MOCS1: variants seen among roughly 807,000 people sequenced by gnomAD.
MOCS1 encodes molybdenum cofactor biosynthesis protein 1.
In MOCS1, 39 loss-of-function variants were observed where a neutral mutation model predicts 57.6. The ratio of observed to expected loss-of-function variants is 0.68; its 90% CI spans 0.52 to 0.88. MOCS1 has a LOEUF of 0.88. MOCS1 is among the 40% of genes least tolerant of loss of function. MOCS1 has a pLI of 0.00. For synonymous variants in MOCS1, 334 were observed against 335.7 expected (o/e 1.00, Z 0.05); for missense variants, 795 against 831.1 (o/e 0.96, Z 0.53).
intron 2 of MOCS1, among the ~76,000 whole-genome samples, chr6:39,926,924 CCA>C (rs1047847195): frequency 2.0e-4 from 30 of 150,970 alleles, no homozygotes; most frequent in Admixed American, 1.8e-3. Context: ...TGGGGCACCT[CCA>C]GAGTCAGCAG....
Position 39,912,745 on chromosome 6 carries a change from T to C in MOCS1, c.870+147A>G, listed in dbSNP as rs927759526. 4 of 759,640 alleles carry C rather than the reference T, an allele frequency of 5.3e-6. No individual in the cohort carries two copies. The East Asian group carries it at 7.4e-5, about 14-fold the overall frequency. The allele number at this position is 759,640 out of a possible 1,614,324, so 47.1% of individuals were successfully genotyped here. ...CTTCATCCATGAAACAGGGAGGTGG[T>C]TGTGATAGCACTGATGCTTCCTGCT... On this transcript the variant is annotated intron_variant, in intron 7 of 10. Transcript: ENST00000340692.
At position 39,907,044 on chromosome 6, in the gene MOCS1, C is replaced by T; in HGVS notation, c.1224G>A (p.Gln408=). ...AGAAACTCATTCTGGGTCTTAGACC[C>T]TGAACATGGAGCGGGTCCCAGGAGA... is the stretch of plus-strand genomic sequence containing the variant. ...SIFSWDPLHV[Q]GLRPRMSFSS... Residue 408 remains glutamine (Q), a synonymous_variant, in exon 11 of 11, where the codon CAG becomes CAA. Coordinates refer to ENST00000340692, the MANE Select transcript of MOCS1 (RefSeq NM_001358530.2). The T allele has an allele frequency of 6.2e-7, 1 of 1,613,526 alleles. No individual in the cohort carries two copies. The highest frequency in any genetic ancestry group is 8.5e-7 in the Non-Finnish European group (1 of 1,179,596).
At chr6:39,908,004 G>C (rs940252216) in intron 10 of MOCS1, among the ~76,000 whole-genome samples, 10 of 152,378 alleles carry the variant, frequency 6.6e-5, no homozygotes, top group African/African-American at 2.4e-4. Flanking sequence ...TGTCAGAGGG[G>C]CAGCCTCCCT....
Position 39,909,898 on chromosome 6 carries a change from A to C in MOCS1, c.1039T>G (p.Ser347Ala). Residue 347 changes from serine (S) to alanine (A), a missense_variant, in exon 9 of 11, where the codon TCT becomes GCT. Transcript: ENST00000340692. ...ATGATTCTCAGCAGCTCCTGCTCAG[A>C]GGCCCCAGCTCGCAGGTGATCCCGC... The part of the protein sequence containing the change: ...SLRDHLRAGA[S>A]EQELLRIIGA... 4 of 1,613,922 alleles carry C rather than the reference A, an allele frequency of 2.5e-6. No homozygotes were observed. In the South Asian group the frequency reaches 4.4e-5, roughly 18 times the overall value.
intron 8 of MOCS1, 134 bp downstream of exon 8, chr6:39,912,130 C>G (rs1767367983): frequency 4.0e-6 from 3 of 746,066 alleles, no homozygotes; most frequent in Non-Finnish European, 7.3e-6. Flanking sequence ...GCCCCCAAAC[C>G]TGACATTATT....
intron 8 of MOCS1, among the ~76,000 whole-genome samples, chr6:39,910,428 CTATT>C (rs1365994846): frequency 6.6e-6 from 1 of 152,186 alleles, no homozygotes; most frequent in Non-Finnish European, 1.5e-5. Context: ...TGCCCTGTAC[CTATT>C]TGAGTCTGTG....
rs987535136 is a variant in MOCS1 at position 39,928,147 on chromosome 6, A to G, written c.124-692T>C. On this transcript the variant is annotated intron_variant, in intron 1 of 10. Coordinates refer to ENST00000340692, the MANE Select transcript of MOCS1 (RefSeq NM_001358530.2). ...CTCGGCAGAAGCAGGATTCAAATCC[A>G]GGTCTTCTGATTCCAGGTTCTTTTT... Among the ~76,000 whole-genome samples, 7 of 151,070 alleles carry G rather than the reference A, an allele frequency of 4.6e-5. No homozygotes were observed. The South Asian group carries it at 1.3e-3, about 27-fold the overall frequency.
intron 2 of MOCS1, 82 bp from the exon 3 acceptor site, chr6:39,925,927 C>T: frequency 1.4e-6 from 2 of 1,461,286 alleles, no homozygotes; most frequent in South Asian, 1.3e-5. Flanking sequence ...CCCAACTCTC[C>T]ATCAGGCCAA....
chr6:39,910,321 G>A (rs1245933336), intron 8 of MOCS1, among the ~76,000 whole-genome samples: 1 of 152,168 alleles, frequency 6.6e-6, no homozygotes, highest in Admixed American at 6.5e-5. Flanking sequence ...CCAACCAGTT[G>A]GAGCTGTGTG....
intron 8 of MOCS1, 52 bp downstream of exon 8, chr6:39,912,212 A>C (rs1222261842): frequency 2.3e-6 from 3 of 1,325,378 alleles, no homozygotes; most frequent in Non-Finnish European, 3.3e-6. Flanking sequence ...GTGGGAGGAG[A>C]CATGAGAACA....
intron 4 of MOCS1, among the ~76,000 whole-genome samples, chr6:39,915,561 G>A (rs962951286): frequency 6.6e-6 from 1 of 152,176 alleles, no homozygotes. Context: ...TGAGGCAGGT[G>A]AGTGGAGGGT....
In MOCS1 at chr6:39,904,415, G is replaced by C; in HGVS notation, c.*1942C>G. On this transcript the variant is annotated 3_prime_UTR_variant, in exon 11 of 11. Coordinates refer to ENST00000340692, the MANE Select transcript of MOCS1 (RefSeq NM_001358530.2). Reference sequence around the variant, plus strand: ...GCTGGTGCCCAGTCGGGGTGGCTGAGCTGGTCCTTAATAGGTTGTTTCTTG... The same window carrying C: ...GCTGGTGCCCAGTCGGGGTGGCTGACCTGGTCCTTAATAGGTTGTTTCTTG... The C allele has an allele frequency of 2.2e-6, 1 of 455,434 alleles. No individual in the cohort carries two copies. Among genetic ancestry groups the C allele is most frequent in the Non-Finnish European group, 4.4e-6 (1 of 226,980 alleles). 28.2% of individuals were successfully genotyped at this position (455,434 alleles called of 1,614,324 possible).
rs1767494244 is a variant in MOCS1, at chr6:39,913,813, G to A, written c.606C>T (p.Gly202=). 1 of 1,614,190 alleles carries A rather than the reference G, an allele frequency of 6.2e-7. No individual in the cohort carries two copies. Among genetic ancestry groups the A allele is most frequent in the Non-Finnish European group, 8.5e-7 (1 of 1,180,032 alleles). ...RRKGFHKVME[G]IHKAIELGYN... ...AGCCCAGCTCGATGGCCTTGTGGAT[G>A]CCCTCCATGACCTTGTGGAAGCCTG... Residue 202 remains glycine (G), a synonymous_variant, in exon 5 of 11, where the codon GGC becomes GGT. Transcript: ENST00000340692.
intron 3 of MOCS1, among the ~76,000 whole-genome samples, chr6:39,924,782 G>T (rs1768180743): frequency 6.6e-6 from 1 of 152,096 alleles, no homozygotes; most frequent in Admixed American, 6.5e-5. Flanking sequence ...CATTATTTAG[G>T]AGCATAAAAA....
chr6:39,906,147 G>T lies in MOCS1; in HGVS notation c.*210C>A, dbSNP rs774685012. 2.1e-5 allele frequency: 15 copies of T among 718,658 alleles called. No homozygotes were observed. The highest frequency in any genetic ancestry group is 1.4e-4 in the African/African-American group (8 of 57,468). The allele number at this position is 718,658 out of a possible 1,614,324, so 44.5% of individuals were successfully genotyped here. ...TCCTGGAAGGCTTAAGGGCCTGCTG[G>T]TATCCTCCCTATAGAAAGGAAGCCC... is the stretch of plus-strand genomic sequence containing the variant. On this transcript the variant is annotated 3_prime_UTR_variant, in exon 11 of 11. Coordinates refer to ENST00000340692, the MANE Select transcript of MOCS1 (RefSeq NM_001358530.2).
At chr6:39,926,938 G>A (rs1215115848) in intron 2 of MOCS1, among the ~76,000 whole-genome samples, 3 of 151,064 alleles carry the variant, frequency 2.0e-5, no homozygotes, top group African/African-American at 7.3e-5. Flanking sequence ...AGTCAGCAGT[G>A]CTGGCATGGG....
At chr6:39,918,689 T>C (rs1027986082) in intron 3 of MOCS1, among the ~76,000 whole-genome samples, 1 of 151,576 alleles carries the variant, frequency 6.6e-6, no homozygotes, top group African/African-American at 2.4e-5. Flanking sequence ...CTATATTACG[T>C]AGAGAGAACA....
intron 1 of MOCS1, 110 bp downstream of exon 1, chr6:39,934,185 C>T: frequency 7.3e-7 from 1 of 1,361,230 alleles, no homozygotes; most frequent in Non-Finnish European, 9.7e-7. Flanking sequence ...CCAACGGGTC[C>T]CTCCCAGAAG....
chr6:39,934,450 T>C lies in MOCS1; in HGVS notation c.-33A>G. On this transcript the variant is annotated 5_prime_UTR_variant, in exon 1 of 11. Coordinates refer to ENST00000340692, the MANE Select transcript of MOCS1 (RefSeq NM_001358530.2). ...GATACGAGCGGAACCGCAGCCCGCT[T>C]CGGGAGCACACTGGCCGGGCACTCG... 6.4e-7 allele frequency: 1 copy of C among 1,554,142 alleles called. No homozygotes were observed. The highest frequency in any genetic ancestry group is 8.6e-7 in the Non-Finnish European group (1 of 1,156,854).
Sources: gnomAD v4.1 joint callset for allele counts (sites outside exome capture counted in the v4.1 genomes callset) on GRCh38, gnomAD v4.1.1 for gene constraint, MANE v1.5 for transcripts, NCBI Gene and HGNC (gene_info 2026-07-23, HGNC 2026-07-21) for gene names.